SCHIP1: variants seen among roughly 807,000 people sequenced by gnomAD.
SCHIP1 encodes the protein schwannomin interacting protein 1.
Under a neutral mutation model 29.7 loss-of-function variants are expected in SCHIP1, and 8 were observed. The ratio of observed to expected loss-of-function variants is 0.27; its 90% CI spans 0.16 to 0.49. SCHIP1 has a LOEUF of 0.49. Among genes scored for constraint, SCHIP1 ranks in the 20% least tolerant of loss-of-function variants. The pLI is 0.99. For missense variants in SCHIP1, 193 were observed against 294.6 expected, an observed-to-expected ratio of 0.66 and a Z score of 2.52; for synonymous variants, 76 against 94.9, an observed-to-expected ratio of 0.80 and a Z score of 1.16.
chr3:159,372,828 A>T, the SCHIP1 span, among the ~76,000 whole-genome samples: 7 of 152,098 alleles, frequency 4.6e-5, no homozygotes, highest in Admixed American at 1.3e-4. Flanking sequence ...AACCACAACC[A>T]TTTGTGCAAT....
the SCHIP1 span, among the ~76,000 whole-genome samples, chr3:159,627,083 T>C: frequency 1.3e-5 from 2 of 152,160 alleles, no homozygotes; most frequent in Non-Finnish European, 2.9e-5. Context: ...CCTGTGTCCA[T>C]GTGTTCTCAT....
At chr3:159,580,127 C>T in the SCHIP1 span, among the ~76,000 whole-genome samples, 1 of 152,120 alleles carries the variant, frequency 6.6e-6, no homozygotes, top group African/African-American at 2.4e-5. Context: ...AAATATACCA[C>T]CCTTGCAGAA....
At chr3:159,636,903 T>C in the SCHIP1 span, among the ~76,000 whole-genome samples, 1 of 152,342 alleles carries the variant, frequency 6.6e-6, no homozygotes, top group South Asian at 2.1e-4. Flanking sequence ...TCATCTTGCC[T>C]CTCCAATACT....
At chr3:159,439,194 G>A in the SCHIP1 span, among the ~76,000 whole-genome samples, 1 of 152,130 alleles carries the variant, frequency 6.6e-6, no homozygotes, top group African/African-American at 2.4e-5. Flanking sequence ...TGACTGGTGT[G>A]AGATGGTATC....
chr3:159,832,324 C>A, the SCHIP1 span, among the ~76,000 whole-genome samples: 1 of 152,190 alleles, frequency 6.6e-6, no homozygotes, highest in Non-Finnish European at 1.5e-5. Flanking sequence ...GCCAGACACT[C>A]CTGACCCAGT....
At chr3:159,840,553 A>G (rs1219272326) in intron 1 of SCHIP1, among the ~76,000 whole-genome samples, 1 of 152,174 alleles carries the variant, frequency 6.6e-6, no homozygotes, top group Non-Finnish European at 1.5e-5. Flanking sequence ...CACATCGATA[A>G]CACTGAAAAA....
chr3:159,396,547 C>G, the SCHIP1 span, among the ~76,000 whole-genome samples: 3 of 148,832 alleles, frequency 2.0e-5, no homozygotes, highest in African/African-American at 7.4e-5. Context: ...ATTTGCTTGT[C>G]TGTAAAGTAT....
the SCHIP1 span, among the ~76,000 whole-genome samples, chr3:159,407,085 G>A: frequency 6.6e-6 from 1 of 152,100 alleles, no homozygotes; most frequent in Non-Finnish European, 1.5e-5. Context: ...CCAATGAAAA[G>A]ACACTGAGTG....
At chr3:159,330,628 A>G in the SCHIP1 span, among the ~76,000 whole-genome samples, 1 of 152,182 alleles carries the variant, frequency 6.6e-6, no homozygotes, top group Non-Finnish European at 1.5e-5. Context: ...GTATCAGTCA[A>G]TGCCCTGACA....
the SCHIP1 span, among the ~76,000 whole-genome samples, chr3:159,745,699 T>G: frequency 6.6e-6 from 1 of 152,250 alleles, no homozygotes; most frequent in Admixed American, 6.5e-5. Flanking sequence ...GTATCTAACC[T>G]TATTAGTTTA....
chr3:159,315,699 G>T, the SCHIP1 span, among the ~76,000 whole-genome samples: 2 of 152,110 alleles, frequency 1.3e-5, no homozygotes, highest in Admixed American at 6.6e-5. Context: ...AGAGAAATAA[G>T]AAGGGAGAGA....
chr3:159,286,691 C>T, the SCHIP1 span, among the ~76,000 whole-genome samples: 1 of 152,162 alleles, frequency 6.6e-6, no homozygotes, highest in Non-Finnish European at 1.5e-5. Flanking sequence ...TTTCTACCAG[C>T]AGTGTGTAAG....
chr3:159,354,723 A>G, the SCHIP1 span, among the ~76,000 whole-genome samples: 3 of 152,204 alleles, frequency 2.0e-5, no homozygotes, highest in Non-Finnish European at 2.9e-5. Flanking sequence ...CACTAAGAGA[A>G]CTAGGAGGGT....
chr3:159,286,375 G>A, the SCHIP1 span, among the ~76,000 whole-genome samples: 5 of 152,116 alleles, frequency 3.3e-5, no homozygotes, highest in Non-Finnish European at 7.4e-5. Flanking sequence ...GCCTCTAGCT[G>A]CATCCAGGTT....
chr3:159,601,392 A>G, the SCHIP1 span, among the ~76,000 whole-genome samples: 1 of 152,176 alleles, frequency 6.6e-6, no homozygotes, highest in Non-Finnish European at 1.5e-5. Context: ...AGGGGAGAGA[A>G]GCCCTGCTTT....
chr3:159,712,379 T>A, the SCHIP1 span, among the ~76,000 whole-genome samples: 1 of 152,196 alleles, frequency 6.6e-6, no homozygotes, highest in Non-Finnish European at 1.5e-5. Flanking sequence ...ATTCAATTTT[T>A]AAAAAATTAA....
upstream of SCHIP1, among the ~76,000 whole-genome samples, chr3:159,836,623 T>A (rs1055310444): frequency 1.3e-5 from 2 of 152,182 alleles, no homozygotes; most frequent in Non-Finnish European, 2.9e-5. Context: ...TTGGTTTCCA[T>A]ATCTGAACAA....
chr3:159,379,019 T>A, the SCHIP1 span, among the ~76,000 whole-genome samples: 1 of 152,182 alleles, frequency 6.6e-6, no homozygotes, highest in African/African-American at 2.4e-5. Flanking sequence ...ACATTAAACC[T>A]TCATTGAGGT....
the SCHIP1 span, among the ~76,000 whole-genome samples, chr3:159,418,482 G>C: frequency 6.6e-6 from 1 of 152,142 alleles, no homozygotes. Context: ...GACGAGAAAG[G>C]TTTCTAGCCT....
Sources: gnomAD v4.1 joint callset for allele counts (sites outside exome capture counted in the v4.1 genomes callset) on GRCh38, gnomAD v4.1.1 for gene constraint, MANE v1.5 for transcripts, NCBI Gene and HGNC (gene_info 2026-07-23, HGNC 2026-07-21) for gene names.